OLFM4: variants seen among roughly 807,000 people sequenced by gnomAD.
OLFM4 encodes olfactomedin-4.
In OLFM4, 22 loss-of-function variants were observed where a neutral mutation model predicts 25.5. The observed-to-expected ratio is 0.86, with a 90% CI of 0.62 to 1.23. The LOEUF is 1.23. Ranked by LOEUF, OLFM4 falls within the 50% of genes most tolerant of loss-of-function variation. The pLI is 0.00. For missense variants in OLFM4, 594 were observed against 619.4 expected (o/e 0.96, Z 0.44); for synonymous variants, 255 against 237.7 (o/e 1.07, Z -0.67).
intron 4 of OLFM4, among the ~76,000 whole-genome samples, chr13:53,044,167 T>C (rs1566319238): frequency 6.6e-6 from 1 of 152,222 alleles, no homozygotes; most frequent in Non-Finnish European, 1.5e-5. Flanking sequence ...ACTCACACGC[T>C]GGCAATGGAT....
At chr13:53,033,205 G>T (rs1891945) in intron 1 of OLFM4, among the ~76,000 whole-genome samples, 3 of 152,016 alleles carry the variant, frequency 2.0e-5, no homozygotes, top group Admixed American at 1.3e-4. Flanking sequence ...AAAAATATGC[G>T]GTGGCACTGA....
Position 53,051,101 on chromosome 13 carries a change from A to G in OLFM4, c.*330A>G, listed in dbSNP as rs187280015. On this transcript the variant is annotated 3_prime_UTR_variant, in exon 5 of 5. Coordinates refer to ENST00000219022, the MANE Select transcript of OLFM4 (RefSeq NM_006418.5). ...GGAATTAAGGAACTTAAAACTCAGT[A>G]TGGCGTCTAGGGATTCTTTGTACAG... 137 of 218,686 alleles carry G rather than the reference A, an allele frequency of 6.3e-4. No individual in the cohort carries two copies. In the Middle Eastern group the frequency reaches 6.3e-3, roughly 10 times the overall value. The allele number at this position is 218,686 out of a possible 1,614,324, so 13.5% of individuals were successfully genotyped here. A position where few individuals can be genotyped will look rare whatever the true frequency, so the allele number is the denominator to read the frequency against.
At chr13:53,039,975 G>C (rs1034354996) in intron 2 of OLFM4, among the ~76,000 whole-genome samples, 2 of 152,190 alleles carry the variant, frequency 1.3e-5, no homozygotes, top group African/African-American at 4.8e-5. Context: ...AGTTAGGATT[G>C]CTTTTGGTAT....
intron 1 of OLFM4, among the ~76,000 whole-genome samples, chr13:53,030,942 C>CT (rs1954625847): frequency 1.3e-5 from 2 of 152,112 alleles, no homozygotes; most frequent in Non-Finnish European, 2.9e-5. Context: ...GTCTAGCACT[C>CT]TTTTTTGGAC....
intron 4 of OLFM4, among the ~76,000 whole-genome samples, chr13:53,047,881 A>G (rs1190639693): frequency 1.3e-5 from 2 of 152,142 alleles, no homozygotes; most frequent in Admixed American, 1.3e-4. Context: ...ATGCATCATC[A>G]ATTTTCCTTA....
At position 53,051,817 on chromosome 13, in the gene OLFM4, A is replaced by G. The variant is rs1409499666; in HGVS notation, c.*1046A>G. The stretch of plus-strand genomic sequence containing the variant: ...TAAGCCTGGAACTTGTAAGAAAATG[A>G]AAATTTAATTTTTTTTTCTAGGACG... On this transcript the variant is annotated 3_prime_UTR_variant, in exon 5 of 5. Coordinates refer to ENST00000219022, the MANE Select transcript of OLFM4 (RefSeq NM_006418.5). The G allele has an allele frequency of 6.6e-6, 1 of 152,200 alleles. No individual in the cohort carries two copies. Among genetic ancestry groups the G allele is most frequent in the Non-Finnish European group, 1.5e-5 (1 of 68,044 alleles). The allele number at this position is 152,200 out of a possible 1,614,324, so 9.4% of individuals were successfully genotyped here. A position where few individuals can be genotyped will look rare whatever the true frequency, so the allele number is the denominator to read the frequency against.
chr13:53,029,742 A>G (rs1954618871), intron 1 of OLFM4, among the ~76,000 whole-genome samples: 1 of 152,200 alleles, frequency 6.6e-6, no homozygotes, highest in Non-Finnish European at 1.5e-5. Context: ...CCAGCTCCAA[A>G]CAACAGTAGC....
At position 53,050,322 on chromosome 13, in the gene OLFM4, C is replaced by A; in HGVS notation, c.1084C>A (p.Gln362Lys). Residue 362 changes from glutamine to lysine, a missense_variant, in exon 5 of 5, where the codon CAA becomes AAA. Transcript: ENST00000219022. ...NLTTNTIAVT[Q>K]TLPNAAYNNR... ...GACCACCAACACGATTGCTGTGACT[C>A]AAACTCTCCCTAATGCTGCCTATAA... The A allele has an allele frequency of 1.9e-6, 3 of 1,614,070 alleles. No homozygotes were observed. The highest frequency in any genetic ancestry group is 2.5e-6 in the Non-Finnish European group (3 of 1,179,968).
intron 1 of OLFM4, among the ~76,000 whole-genome samples, chr13:53,030,174 T>C (rs1954621471): frequency 6.6e-6 from 1 of 152,184 alleles, no homozygotes; most frequent in Admixed American, 6.5e-5. Flanking sequence ...TTACAGATAA[T>C]AAAAATGTGA....
intron 1 of OLFM4, among the ~76,000 whole-genome samples, 190 bp downstream of exon 1, chr13:53,029,230 C>T (rs912903590): frequency 5.9e-5 from 9 of 152,238 alleles, no homozygotes; most frequent in East Asian, 1.9e-4. Context: ...GCAAGAGAGA[C>T]GATATCGCAG....
chr13:53,042,216 C>T, intron 3 of OLFM4, 94 bp downstream of exon 3: 2 of 1,043,312 alleles, frequency 1.9e-6, no homozygotes, highest in Non-Finnish European at 2.9e-6. Context: ...ACTATCTCTT[C>T]CAACTTCTAA....
Position 53,051,364 on chromosome 13 carries a change from G to A in OLFM4, c.*593G>A, listed in dbSNP as rs1004679143. Reference sequence around the variant, plus strand: ...AAAGTGCTGAGTTTTATGGAGAGAGGCCTTTTTATGCATTAAATTGTACAT... The same window carrying A: ...AAAGTGCTGAGTTTTATGGAGAGAGACCTTTTTATGCATTAAATTGTACAT... On this transcript the variant is annotated 3_prime_UTR_variant, in exon 5 of 5. Transcript: ENST00000219022. 6.6e-6 allele frequency: 1 copy of A among 152,108 alleles called. No homozygotes were observed. The highest frequency in any genetic ancestry group is 2.1e-4 in the South Asian group (1 of 4,828). 9.4% of individuals were successfully genotyped at this position (152,108 alleles called of 1,614,324 possible).
chr13:53,049,239 T>C (rs918791815), intron 4 of OLFM4, among the ~76,000 whole-genome samples: 1 of 152,194 alleles, frequency 6.6e-6, no homozygotes, highest in African/African-American at 2.4e-5. Context: ...AGTGATTTAT[T>C]GATGGGCTGT....
At position 53,050,017 on chromosome 13, in the gene OLFM4, T is replaced by C. The variant is rs915787104; in HGVS notation, c.779T>C (p.Val260Ala). The change falls in exon 5 of 5, where the codon GTT becomes GCT. Residue 260 changes from valine to alanine, a missense_variant. By Grantham distance (64) the Val-to-Ala change is moderately conservative. Coordinates refer to ENST00000219022, the MANE Select transcript of OLFM4 (RefSeq NM_006418.5). The part of the protein sequence containing the change: ...GVVNISKPSV[V>A]QLNWRGFSYL... ...GTGAACATCAGCAAACCGTCTGTGG[T>C]TCAGCTCAACTGGAGAGGGTTTTCT... 7 of 1,612,908 alleles carry C rather than the reference T, an allele frequency of 4.3e-6. No individual in the cohort carries two copies. The highest frequency in any genetic ancestry group is 5.9e-6 in the Non-Finnish European group (7 of 1,179,062).
rs202053664 is a variant in OLFM4 at position 53,029,039 on chromosome 13, A to G, written c.203A>G (p.Gln68Arg). ...TTAGGCAGCGGAGGTTCTGTGTCCC[A>G]GGTGAGGAGGCCCCAGAATCTGAAT... Reference protein sequence around the residue: ...RSLGSGGSVSQLFSNFTGSVD... With the variant: ...RSLGSGGSVSRLFSNFTGSVD... Residue 68 changes from glutamine to arginine, a missense_variant and splice_region_variant, in exon 1 of 5, where the codon CAG becomes CGG. By Grantham distance (43) the Gln-to-Arg change is conservative. Transcript: ENST00000219022. 303 of 1,614,010 alleles carry G rather than the reference A, an allele frequency of 1.9e-4. 2 individuals carry two copies. The South Asian group carries it at 3.2e-3, about 17-fold the overall frequency.
rs1954740403 is a variant in OLFM4, at chr13:53,050,360, A to C, written c.1122A>C (p.Ser374=). 1 of 1,614,024 alleles carries C rather than the reference A, an allele frequency of 6.2e-7. No individual in the cohort carries two copies. Among genetic ancestry groups the C allele is most frequent in the South Asian group, 1.1e-5 (1 of 91,076 alleles). Residue 374 remains serine, a synonymous_variant, in exon 5 of 5, where the codon TCA becomes TCC. Coordinates refer to ENST00000219022, the MANE Select transcript of OLFM4 (RefSeq NM_006418.5). ...LPNAAYNNRF[S]YANVAWQDID... ...ATGCTGCCTATAATAACCGCTTTTCATATGCTAATGTTGCTTGGCAAGATA... is the reference window on the plus strand; with the variant it reads ...ATGCTGCCTATAATAACCGCTTTTCCTATGCTAATGTTGCTTGGCAAGATA...
At chr13:53,038,909 C>T (rs76368778) in intron 2 of OLFM4, among the ~76,000 whole-genome samples, 2,206 of 152,356 alleles carry the variant, frequency 0.014, 46 homozygotes, top group African/African-American at 0.046. Flanking sequence ...TTCTCTAACT[C>T]CATGGATGAT....
intron 4 of OLFM4, among the ~76,000 whole-genome samples, chr13:53,045,731 A>AT (rs1347306371): frequency 6.6e-6 from 1 of 152,228 alleles, no homozygotes; most frequent in African/African-American, 2.4e-5. Context: ...TGAACTTAGA[A>AT]CAAGTGAATG....
intron 1 of OLFM4, among the ~76,000 whole-genome samples, chr13:53,032,021 T>A (rs1234757689): frequency 6.6e-6 from 1 of 152,198 alleles, no homozygotes. Flanking sequence ...TGATCAAACT[T>A]ATGGACCATT....
Sources: gnomAD v4.1 joint callset for allele counts (sites outside exome capture counted in the v4.1 genomes callset) on GRCh38, gnomAD v4.1.1 for gene constraint, MANE v1.5 for transcripts, NCBI Gene and HGNC (gene_info 2026-07-23, HGNC 2026-07-21) for gene names.